The following RANBP3 variants were observed in gnomAD, a reference collection of about 807,000 sequenced individuals.
The protein encoded by RANBP3 is RAN binding protein 3, also known as ran-binding protein 3.
Under a neutral mutation model 77.3 loss-of-function variants are expected in RANBP3, and 14 were observed. The ratio of observed to expected loss-of-function variants is 0.18; its 90% CI spans 0.12 to 0.28. The LOEUF is 0.28. Among genes scored for constraint, RANBP3 ranks in the 10% least tolerant of loss-of-function variants. The probability of loss-of-function intolerance (pLI) is 1.00; values close to 1 mark genes in which losing one functional copy is unlikely to be tolerated. For missense variants in RANBP3, 586 were observed against 752.3 expected, an observed-to-expected ratio of 0.78 and a Z score of 2.59; for synonymous variants, 315 against 312.4, an observed-to-expected ratio of 1.01 and a Z score of -0.09.
rs2058420407 is a variant in RANBP3 at position 5,962,804 on chromosome 19, A to G, written c.23-4831T>C. On this transcript the variant is annotated intron_variant, in intron 1 of 16. Coordinates refer to ENST00000340578, the MANE Select transcript of RANBP3 (RefSeq NM_007322.3). ...TCAGCACGGCTATCGCAAACAGACA[A>G]GACACACAAGCCCCATTCCAGGCAG... is the stretch of plus-strand genomic sequence containing the variant. 8.8e-6 allele frequency: 4 copies of G among 454,992 alleles called. No homozygotes were observed. The Admixed American group carries it at 9.4e-5, about 11-fold the overall frequency. 28.2% of individuals were successfully genotyped at this position (454,992 alleles called of 1,614,324 possible). A position where few individuals can be genotyped will look rare whatever the true frequency, so the allele number is the denominator to read the frequency against.
intron 5 of RANBP3, among the ~76,000 whole-genome samples, chr19:5,936,069 G>T (rs1206786705): frequency 6.6e-6 from 1 of 152,240 alleles, no homozygotes; most frequent in Non-Finnish European, 1.5e-5. Context: ...CCCAAGTGAT[G>T]TCTGTGGGAA....
At chr19:5,938,074 T>C (rs989883068) in intron 5 of RANBP3, among the ~76,000 whole-genome samples, 1 of 152,140 alleles carries the variant, frequency 6.6e-6, no homozygotes, top group African/African-American at 2.4e-5. Flanking sequence ...TCAAAACAGT[T>C]TGCTTTTAGA....
rs944024893 is a variant in RANBP3 at position 5,952,731 on chromosome 19, A to T, written c.79-1135T>A. Reference sequence around the variant, plus strand: ...TCCGGGAGGAGGAAAGGAGCTACAGAAAGAGGATGTAAGAGAATGTACACA... The same window carrying T: ...TCCGGGAGGAGGAAAGGAGCTACAGTAAGAGGATGTAAGAGAATGTACACA... On this transcript the variant is annotated intron_variant, in intron 2 of 16. Transcript: ENST00000340578. The surrounding 1 kb of genome is among the most constrained non-coding windows in gnomAD (Gnocchi z 4.1). Among the ~76,000 whole-genome samples the T allele has an allele frequency of 6.6e-6, 1 of 152,196 alleles. No homozygotes were observed. Among genetic ancestry groups the T allele is most frequent in the Non-Finnish European group, 1.5e-5 (1 of 68,040 alleles).
chr19:5,920,983 C>T (rs942679022), intron 14 of RANBP3: 8 of 415,952 alleles, frequency 1.9e-5, no homozygotes, highest in East Asian at 1.6e-4. Context: ...AAGAGGGTCA[C>T]GGACGAGCTG....
intron 2 of RANBP3, among the ~76,000 whole-genome samples, chr19:5,957,218 A>T (rs988726725): frequency 2.6e-5 from 4 of 152,226 alleles, no homozygotes; most frequent in African/African-American, 9.7e-5. Context: ...CCGATCTGTC[A>T]GGGAGAGAAG....
chr19:5,953,841 T>C (rs1208607024), intron 2 of RANBP3, among the ~76,000 whole-genome samples: 3 of 152,168 alleles, frequency 2.0e-5, no homozygotes, highest in Admixed American at 1.3e-4. Context: ...GTGCTGCCAA[T>C]CTGACCATGG....
At chr19:5,967,091 T>C (rs563370364) in intron 1 of RANBP3, among the ~76,000 whole-genome samples, 6 of 152,358 alleles carry the variant, frequency 3.9e-5, no homozygotes, top group East Asian at 1.9e-4. Flanking sequence ...AACTGATTCT[T>C]TGGTACGGAA....
chr19:5,923,588 C>T (rs1056757390), intron 12 of RANBP3, among the ~76,000 whole-genome samples: 4 of 152,228 alleles, frequency 2.6e-5, no homozygotes, highest in African/African-American at 4.8e-5. Context: ...CTGCTGCCTG[C>T]GCCTCCCCAC....
intron 8 of RANBP3, 108 bp from the exon 9 acceptor site, chr19:5,928,195 G>C (rs2057939060): frequency 2.3e-6 from 3 of 1,303,942 alleles, no homozygotes; most frequent in South Asian, 1.5e-5. Flanking sequence ...CGTCTCCTCT[G>C]CATGTGCCTG....
intron 1 of RANBP3, among the ~76,000 whole-genome samples, chr19:5,974,186 C>T (rs1475199575): frequency 1.3e-5 from 2 of 152,156 alleles, no homozygotes; most frequent in African/African-American, 2.4e-5. Context: ...CAGCCCCTCC[C>T]GCCAAAGAGA....
intron 1 of RANBP3, chr19:5,962,736 C>T: frequency 2.2e-6 from 1 of 456,072 alleles, no homozygotes; most frequent in Admixed American, 2.3e-5. Context: ...GTCAGTTACT[C>T]ACGCTGCATT....
chr19:5,917,657 C>T lies in RANBP3; in HGVS notation c.1661-4G>A. 1 of 1,606,426 alleles carries T rather than the reference C, an allele frequency of 6.2e-7. No individual in the cohort carries two copies. The highest frequency in any genetic ancestry group is 1.1e-5 in the South Asian group (1 of 90,468). On this transcript the variant is annotated splice_region_variant and splice_polypyrimidine_tract_variant and intron_variant, in intron 16 of 16. Coordinates refer to ENST00000340578, the MANE Select transcript of RANBP3 (RefSeq NM_007322.3). Reference sequence around the variant, plus strand: ...CCGTCCCCTTCGTCACCAGCACCTGCAGGGAAGCAGCAGCCCCGCATCAGG... The same window carrying T: ...CCGTCCCCTTCGTCACCAGCACCTGTAGGGAAGCAGCAGCCCCGCATCAGG...
At chr19:5,922,503 G>A (rs533684813) in intron 13 of RANBP3, among the ~76,000 whole-genome samples, 3 of 152,336 alleles carry the variant, frequency 2.0e-5, no homozygotes, top group East Asian at 1.9e-4. Context: ...AGGAGGGGAC[G>A]GTGGGGTGGA....
At chr19:5,929,974 G>C (rs997768754) in intron 8 of RANBP3, among the ~76,000 whole-genome samples, 1 of 152,238 alleles carries the variant, frequency 6.6e-6, no homozygotes, top group Non-Finnish European at 1.5e-5. Context: ...CTGCTGAGAA[G>C]GGGCTGGAAC....
rs2057753138 is a variant in RANBP3, at chr19:5,917,458, T to G, written c.*152A>C. 1 of 809,616 alleles carries G rather than the reference T, an allele frequency of 1.2e-6. No individual in the cohort carries two copies. The highest frequency in any genetic ancestry group is 1.9e-6 in the Non-Finnish European group (1 of 532,936). The allele number at this position is 809,616 out of a possible 1,614,324, so 50.2% of individuals were successfully genotyped here. ...TTCAGGCAGTTCCCGAGTCTGCTTT[T>G]GAACAGGACGTGCGGGTCCAGACTG... On this transcript the variant is annotated 3_prime_UTR_variant, in exon 17 of 17. Transcript: ENST00000340578.
intron 1 of RANBP3, among the ~76,000 whole-genome samples, chr19:5,966,995 C>T (rs2058475187): frequency 6.6e-6 from 1 of 152,236 alleles, no homozygotes; most frequent in Non-Finnish European, 1.5e-5. Flanking sequence ...CCCTTCAAGT[C>T]ATTTATTTTT....
rs901433914 is a variant in RANBP3, at chr19:5,924,987, ACT to A, written c.918-84_918-83del. Reference sequence around the variant, plus strand: ...ATGTATGGGTACCCATGGAGCACACACTGACACAGAGGGCACAGTGGAGGGGC... The same window carrying A: ...ATGTATGGGTACCCATGGAGCACACAGACACAGAGGGCACAGTGGAGGGGC... On this transcript the variant is annotated intron_variant, in intron 10 of 16. Transcript: ENST00000340578. This position sits in a 1 kb window ranked among gnomAD's most constrained non-coding sequence, Gnocchi z 4.7. 40 of 1,296,120 alleles carry A rather than the reference ACT, an allele frequency of 3.1e-5. No homozygotes were observed. The African/African-American group carries it at 5.1e-4, about 17-fold the overall frequency. 80.3% of individuals were successfully genotyped at this position (1,296,120 alleles called of 1,614,324 possible). A position where few individuals can be genotyped will look rare whatever the true frequency, so the allele number is the denominator to read the frequency against.
At position 5,978,039 on chromosome 19, in the gene RANBP3, T is replaced by C. The variant is rs766246666; in HGVS notation, c.22+22A>G. On this transcript the variant is annotated intron_variant, in intron 1 of 16. Transcript: ENST00000340578. ...CGCCCGTTCCCCGGCCGCCAGCCGG[T>C]CCCCAACGGCGCCTCCCCTACCTTC... is the stretch of plus-strand genomic sequence containing the variant. 20 of 1,609,236 alleles carry C rather than the reference T, an allele frequency of 1.2e-5. No homozygotes were observed. The South Asian group carries it at 2.1e-4, about 17-fold the overall frequency.
intron 8 of RANBP3, among the ~76,000 whole-genome samples, chr19:5,930,216 G>C (rs368166668): frequency 1.5e-4 from 23 of 152,340 alleles, no homozygotes; most frequent in African/African-American, 5.0e-4. Flanking sequence ...CTTCCAAGCC[G>C]CAGAATGCGG....
Sources: gnomAD v4.1 joint callset for allele counts (sites outside exome capture counted in the v4.1 genomes callset) on GRCh38, gnomAD v4.1.1 for gene constraint, Gnocchi (gnomAD v3.1) non-coding constraint, MANE v1.5 for transcripts, NCBI Gene and HGNC (gene_info 2026-07-23, HGNC 2026-07-21) for gene names.